B3GAT1: variants seen among roughly 807,000 people sequenced by gnomAD.
B3GAT1 encodes galactosylgalactosylxylosylprotein 3-beta-glucuronosyltransferase 1.
B3GAT1 carries 11 observed loss-of-function variants against 28.4 expected under a neutral mutation model. The ratio of observed to expected loss-of-function variants is 0.39; its 90% CI spans 0.24 to 0.64. B3GAT1 has a LOEUF of 0.64. B3GAT1 is among the 30% of genes least tolerant of loss of function. B3GAT1 has a pLI of 0.50. For synonymous variants in B3GAT1, 255 were observed against 223.1 expected (o/e 1.14, Z -1.27); for missense variants, 375 against 491.0 (o/e 0.76, Z 2.23).
At chr11:134,387,153 G>T in intron 2 of B3GAT1, 4 of 199,028 alleles carry the variant, frequency 2.0e-5, no homozygotes, top group South Asian at 1.1e-4. Flanking sequence ...CCCTTCCTAT[G>T]AAAACCACTT....
Position 134,380,555 on chromosome 11 carries a change from T to G in B3GAT1, c.*207A>C, listed in dbSNP as rs947894909. On this transcript the variant is annotated 3_prime_UTR_variant, in exon 6 of 6. Transcript: ENST00000312527. The stretch of plus-strand genomic sequence containing the variant: ...TCTCTCGGGCCCTGGTCACGCTGGA[T>G]GGAGAGAACAACAGGTCTGGGATTT... 6.6e-6 allele frequency: 1 copy of G among 152,662 alleles called. No individual in the cohort carries two copies. The highest frequency in any genetic ancestry group is 1.5e-5 in the Non-Finnish European group (1 of 68,080). 9.5% of individuals were successfully genotyped at this position (152,662 alleles called of 1,614,324 possible).
At chr11:134,405,095 TG>T (rs531836192) in intron 1 of B3GAT1, among the ~76,000 whole-genome samples, 5 of 151,962 alleles carry the variant, frequency 3.3e-5, no homozygotes, top group African/African-American at 1.2e-4. Flanking sequence ...CAAGCAGGGC[TG>T]GGGGGGTGAC....
At chr11:134,399,233 T>C (rs1478945400) in intron 1 of B3GAT1, among the ~76,000 whole-genome samples, 1 of 152,206 alleles carries the variant, frequency 6.6e-6, no homozygotes, top group Non-Finnish European at 1.5e-5. Context: ...GCCGTGCACA[T>C]CATTCCAGCT....
At position 134,383,666 on chromosome 11, in the gene B3GAT1, G is replaced by T. The variant is rs773157060; in HGVS notation, c.621+14C>A. On this transcript the variant is annotated intron_variant, in intron 3 of 5. Coordinates refer to ENST00000312527, the MANE Select transcript of B3GAT1 (RefSeq NM_054025.3). ...GCCGGAGGTCCCGCTGCTCACTGTC[G>T]GGCCCTCCCTCACCTCTTCGAAGAG... The T allele has an allele frequency of 1.3e-6, 2 of 1,541,866 alleles. No individual in the cohort carries two copies. The highest frequency in any genetic ancestry group is 2.5e-5 in the South Asian group (2 of 81,472).
intron 5 of B3GAT1, 198 bp downstream of exon 5, chr11:134,381,726 C>T (rs1250214122): frequency 1.8e-5 from 10 of 571,066 alleles, no homozygotes; most frequent in African/African-American, 5.6e-5. Flanking sequence ...GACCCAGCTG[C>T]GTGGGTGAAA....
At chr11:134,392,249 G>C (rs1396468561) in intron 1 of B3GAT1, 1 of 151,722 alleles carries the variant, frequency 6.6e-6, no homozygotes, top group Admixed American at 6.6e-5. Flanking sequence ...CTGACTTAAG[G>C]GCCAGCACCC....
intron 1 of B3GAT1, among the ~76,000 whole-genome samples, chr11:134,410,270 A>G (rs1944828353): frequency 6.6e-6 from 1 of 152,176 alleles, no homozygotes; most frequent in South Asian, 2.1e-4. Flanking sequence ...TATTCAACAC[A>G]GCGCCTGCAA....
At chr11:134,399,626 T>G (rs937635197) in intron 1 of B3GAT1, among the ~76,000 whole-genome samples, 1 of 152,200 alleles carries the variant, frequency 6.6e-6, no homozygotes. Flanking sequence ...CCAGAAAGGC[T>G]GGGATGCCCT....
intron 1 of B3GAT1, among the ~76,000 whole-genome samples, chr11:134,395,937 A>G (rs1334117259): frequency 6.6e-6 from 1 of 152,154 alleles, no homozygotes; most frequent in Non-Finnish European, 1.5e-5. Flanking sequence ...TCTGCTTCCA[A>G]GCTCACTTGG....
At chr11:134,391,221 G>A (rs1481972313) in intron 1 of B3GAT1, 1 of 152,212 alleles carries the variant, frequency 6.6e-6, no homozygotes, top group Non-Finnish European at 1.5e-5. Context: ...GCTATTATAA[G>A]CATAGTAGCA....
chr11:134,383,309 AGT>A (rs1464140594), intron 3 of B3GAT1, among the ~76,000 whole-genome samples: 1 of 151,966 alleles, frequency 6.6e-6, no homozygotes, highest in Non-Finnish European at 1.5e-5. Context: ...CCCGCTCTAG[AGT>A]GTGAAGTGAC....
At position 134,380,305 on chromosome 11, in the gene B3GAT1, G is replaced by A. The variant is rs997097394; in HGVS notation, c.*457C>T. 6.6e-6 allele frequency: 1 copy of A among 152,316 alleles called. No homozygotes were observed. Among genetic ancestry groups the A allele is most frequent in the African/African-American group, 2.4e-5 (1 of 41,452 alleles). 9.4% of individuals were successfully genotyped at this position (152,316 alleles called of 1,614,324 possible). A position where few individuals can be genotyped will look rare whatever the true frequency, so the allele number is the denominator to read the frequency against. ...TCTGGTCTTCAGAATTCCCTGGCTG[G>A]GTGTCCTGTGTGGTCGTGCTGAGCC... is the stretch of plus-strand genomic sequence containing the variant. On this transcript the variant is annotated 3_prime_UTR_variant, in exon 6 of 6. Transcript: ENST00000312527.
In B3GAT1 at chr11:134,383,718, C is replaced by T. The variant is rs1394651328; in HGVS notation, c.583G>A (p.Asp195Asn). Residue 195 changes from aspartate (D) to asparagine (N), a missense_variant, in exon 3 of 6, where the codon GAC becomes AAC. Coordinates refer to ENST00000312527, the MANE Select transcript of B3GAT1 (RefSeq NM_054025.3). The stretch of plus-strand genomic sequence containing the variant: ...TCCAGGCTGTAGGTGTTGTCGTCGT[C>T]GGCGAAGTAGACCACGCCAGGCTGG... ...SSQPGVVYFA[D>N]DDNTYSLELF... 1.3e-6 allele frequency: 2 copies of T among 1,590,826 alleles called. No homozygotes were observed. Among genetic ancestry groups the T allele is most frequent in the Non-Finnish European group, 1.7e-6 (2 of 1,165,102 alleles).
chr11:134,403,338 C>T (rs1209309719), intron 1 of B3GAT1, among the ~76,000 whole-genome samples: 1 of 152,182 alleles, frequency 6.6e-6, no homozygotes, highest in African/African-American at 2.4e-5. Context: ...GGTACGTTTG[C>T]CTGGGACATG....
intron 1 of B3GAT1, chr11:134,390,318 T>C (rs1254096737): frequency 1.3e-5 from 2 of 152,286 alleles, no homozygotes; most frequent in Non-Finnish European, 2.9e-5. Flanking sequence ...TTTGGTTCTT[T>C]GGCCAAGACA....
At chr11:134,401,141 T>C (rs1944606333) in intron 1 of B3GAT1, among the ~76,000 whole-genome samples, 1 of 152,190 alleles carries the variant, frequency 6.6e-6, no homozygotes, top group African/African-American at 2.4e-5. Context: ...ACATTGTTGG[T>C]GGGAATGTAG....
chr11:134,404,523 A>G (rs373142905), intron 1 of B3GAT1, among the ~76,000 whole-genome samples: 3 of 152,060 alleles, frequency 2.0e-5, no homozygotes, highest in African/African-American at 4.8e-5. Flanking sequence ...AGGACAGCAC[A>G]CTCCTCGGAG....
At chr11:134,406,114 C>G (rs538678852) in intron 1 of B3GAT1, among the ~76,000 whole-genome samples, 124 of 152,230 alleles carry the variant, frequency 8.1e-4, no homozygotes, top group Non-Finnish European at 1.4e-3. Context: ...CGTGGCAGCA[C>G]AGTTGGCCTC....
intron 2 of B3GAT1, chr11:134,386,094 A>C (rs1208427022): frequency 2.0e-5 from 3 of 152,210 alleles, no homozygotes; most frequent in Non-Finnish European, 2.9e-5. Context: ...TCGGGAGGAG[A>C]GGATGATGTC....
Sources: gnomAD v4.1 joint callset for allele counts (sites outside exome capture counted in the v4.1 genomes callset) on GRCh38, gnomAD v4.1.1 for gene constraint, MANE v1.5 for transcripts, NCBI Gene and HGNC (gene_info 2026-07-23, HGNC 2026-07-21) for gene names.